GRID2: variants seen among roughly 807,000 people sequenced by gnomAD.
The protein encoded by GRID2 is glutamate ionotropic receptor delta type subunit 2.
GRID2 carries 33 observed loss-of-function variants against 114.8 expected under a neutral mutation model. The observed-to-expected ratio is 0.29, with a 90% CI of 0.22 to 0.38. The LOEUF (loss-of-function observed/expected upper bound fraction) is 0.38. Ranked by LOEUF, GRID2 falls within the 10% of genes least tolerant of loss-of-function variation. The pLI is 1.00. For missense variants in GRID2, 1,184 were observed against 1,257.7 expected (o/e 0.94, Z 0.89); for synonymous variants, 505 against 449.9 (o/e 1.12, Z -1.55).
At chr4:93,019,780 A>T (rs1382677511) in intron 2 of GRID2, among the ~76,000 whole-genome samples, 1 of 152,172 alleles carries the variant, frequency 6.6e-6, no homozygotes. Context: ...ATAAAATTCA[A>T]AACTTGGTCA....
At chr4:92,792,503 A>ACACACACACACACT (rs1414040335) in intron 2 of GRID2, among the ~76,000 whole-genome samples, 5 of 135,944 alleles carry the variant, frequency 3.7e-5, no homozygotes, top group African/African-American at 1.4e-4. Context: ...ACACACACAC[A>ACACACACACACACT]CTGTCACTCT....
At chr4:92,589,938 T>C (rs1232436919) in intron 1 of GRID2, among the ~76,000 whole-genome samples, 193 bp from the exon 2 acceptor site, 2 of 152,204 alleles carry the variant, frequency 1.3e-5, no homozygotes, top group African/African-American at 4.8e-5. Flanking sequence ...TATCATTCCA[T>C]TTGGAAGAAG....
rs1466326075 is a variant in GRID2, at chr4:92,449,711, A to AT, written c.89-140420_89-140419insT. ...TATATATATATATATATATATATAT[A>AT]ACACTTAAGCCAAATTCATTTATAT... On this transcript the variant is annotated intron_variant, in intron 1 of 15. Coordinates refer to ENST00000282020, the MANE Select transcript of GRID2 (RefSeq NM_001510.4). Among the ~76,000 whole-genome samples the AT allele has an allele frequency of 1.0e-3, 134 of 130,098 alleles. 1 individual carries two copies. Among genetic ancestry groups the AT allele is most frequent in the Non-Finnish European group, 6.7e-4 (42 of 63,106 alleles). The allele number at this position is 130,098 out of a possible 152,430, so 85.3% of individuals were successfully genotyped here.
chr4:92,413,577 A>T (rs1441856005), intron 1 of GRID2, among the ~76,000 whole-genome samples: 1 of 152,180 alleles, frequency 6.6e-6, no homozygotes, highest in Admixed American at 6.5e-5. Flanking sequence ...AGCAATACCT[A>T]CATCTTAAGA....
rs937221469 is a variant in GRID2, at chr4:92,469,649, G to A, written c.89-120482G>A. ...CAGAAGGCCGATTGTAACCGATATC[G>A]GATCAAAAAGAGAGTAATAGAAAGA... On this transcript the variant is annotated intron_variant, in intron 1 of 15. Coordinates refer to ENST00000282020, the MANE Select transcript of GRID2 (RefSeq NM_001510.4). Among the ~76,000 whole-genome samples the A allele has an allele frequency of 5.9e-5, 9 of 151,482 alleles. 1 individual carries two copies. The South Asian group carries it at 1.7e-3, about 28-fold the overall frequency.
intron 1 of GRID2, among the ~76,000 whole-genome samples, chr4:92,505,679 GCAGATGTTAAT>G (rs1162281531): frequency 6.6e-6 from 1 of 151,986 alleles, no homozygotes; most frequent in Non-Finnish European, 1.5e-5. Context: ...ATCTGTTATT[GCAGATGTTAAT>G]CAGAGAAGAC....
At chr4:92,661,801 G>A (rs144127300) in intron 2 of GRID2, among the ~76,000 whole-genome samples, 1 of 151,112 alleles carries the variant, frequency 6.6e-6, no homozygotes, top group Admixed American at 6.6e-5. Flanking sequence ...CAATTAAAAA[G>A]AGGGAAATAC....
intron 12 of GRID2, 77 bp from the exon 13 acceptor site, chr4:93,515,139 T>C (rs1729581808): frequency 5.2e-6 from 3 of 579,208 alleles, no homozygotes; most frequent in Admixed American, 3.7e-5. Context: ...TGCCTTTTTT[T>C]TTCTTTTAAC....
At chr4:92,889,816 C>T (rs1373625307) in intron 2 of GRID2, among the ~76,000 whole-genome samples, 4 of 152,142 alleles carry the variant, frequency 2.6e-5, no homozygotes, top group Non-Finnish European at 5.9e-5. Context: ...CAAGACAATC[C>T]TAAGCAAAAA....
At chr4:93,200,544 C>T (rs541797453) in intron 4 of GRID2, among the ~76,000 whole-genome samples, 19 of 149,660 alleles carry the variant, frequency 1.3e-4, no homozygotes, top group East Asian at 5.9e-4. Flanking sequence ...CCAGCCTGGG[C>T]GACAGAGCGA....
chr4:93,617,695 T>A (rs1182401766), intron 13 of GRID2, among the ~76,000 whole-genome samples: 1 of 152,180 alleles, frequency 6.6e-6, no homozygotes, highest in Non-Finnish European at 1.5e-5. Context: ...AACATTATCT[T>A]GGTATCGAGA....
Position 92,976,510 on chromosome 4 carries a change from C to A in GRID2, c.245-108485C>A, listed in dbSNP as rs1367635814. Among the ~76,000 whole-genome samples the A allele has an allele frequency of 9.9e-5, 15 of 151,962 alleles. No individual in the cohort carries two copies. In the South Asian group the frequency reaches 1.7e-3, roughly 17 times the overall value. On this transcript the variant is annotated intron_variant, in intron 2 of 15. Coordinates refer to ENST00000282020, the MANE Select transcript of GRID2 (RefSeq NM_001510.4). ...CAACTCTTGATTTTATATATATATA[C>A]CCTTTTATGATCAATTTTAATTTTA... is the stretch of plus-strand genomic sequence containing the variant.
chr4:92,585,235 T>C (rs898356277), intron 1 of GRID2, among the ~76,000 whole-genome samples: 3 of 151,894 alleles, frequency 2.0e-5, no homozygotes, highest in Non-Finnish European at 2.9e-5. Context: ...AGTGAGAGCA[T>C]GCACAAAAGA....
intron 9 of GRID2, among the ~76,000 whole-genome samples, chr4:93,399,376 G>T (rs1044208844): frequency 6.6e-6 from 1 of 151,990 alleles, no homozygotes; most frequent in Non-Finnish European, 1.5e-5. Flanking sequence ...TTATTGACTT[G>T]AAAGAAATAA....
chr4:92,337,026 G>A (rs964986130), intron 1 of GRID2, among the ~76,000 whole-genome samples: 3 of 125,640 alleles, frequency 2.4e-5, no homozygotes, highest in Non-Finnish European at 3.2e-5. Flanking sequence ...AAATTAAAAT[G>A]TGGGGGTTCT....
chr4:93,330,249 A>G (rs916448419), intron 8 of GRID2, among the ~76,000 whole-genome samples: 3 of 152,134 alleles, frequency 2.0e-5, no homozygotes, highest in African/African-American at 4.8e-5. Flanking sequence ...ACAAAACCCT[A>G]TCTCTCCTAG....
intron 14 of GRID2, among the ~76,000 whole-genome samples, chr4:93,704,966 C>T (rs751020578): frequency 1.3e-5 from 2 of 152,048 alleles, no homozygotes; most frequent in African/African-American, 2.4e-5. Context: ...TGAGTATATA[C>T]CTAGGAGTGG....
chr4:92,593,077 A>T (rs1728782419), intron 2 of GRID2, among the ~76,000 whole-genome samples: 1 of 152,022 alleles, frequency 6.6e-6, no homozygotes, highest in Non-Finnish European at 1.5e-5. Flanking sequence ...AGGAAAAAAG[A>T]TTCAATGATA....
chr4:92,704,858 G>C (rs539874957), intron 2 of GRID2, among the ~76,000 whole-genome samples: 2 of 145,858 alleles, frequency 1.4e-5, no homozygotes, highest in African/African-American at 2.5e-5. Flanking sequence ...CATTGGTAAC[G>C]TGATAAGAGC....
Sources: gnomAD v4.1 joint callset for allele counts (sites outside exome capture counted in the v4.1 genomes callset) on GRCh38, gnomAD v4.1.1 for gene constraint, MANE v1.5 for transcripts, NCBI Gene and HGNC (gene_info 2026-07-23, HGNC 2026-07-21) for gene names.